The following LYRM2 variants were observed in gnomAD, a reference collection of about 807,000 sequenced individuals.
LYRM2 encodes LYR motif containing 2.
LYRM2 carries 8 observed loss-of-function variants against 11.6 expected under a neutral mutation model. That is an observed-to-expected ratio of 0.69 (90% CI 0.40 to 1.24). The LOEUF is 1.24. LYRM2 is among the 50% of genes most tolerant of loss of function. The pLI is 0.01. For missense variants in LYRM2, 117 were observed against 102.9 expected, an observed-to-expected ratio of 1.14 and a Z score of -0.59; for synonymous variants, 30 against 36.4, an observed-to-expected ratio of 0.83 and a Z score of 0.63.
chr6:89,638,163 G>A (rs964477063), intron 1 of LYRM2: 12 of 654,966 alleles, frequency 1.8e-5, no homozygotes, highest in African/African-American at 5.6e-5. Context: ...CGAGAGTGAG[G>A]CCCTGTCTCA....
rs1807786407 is a variant in LYRM2, at chr6:89,633,407, A to G, written c.*3866T>C. On this transcript the variant is annotated 3_prime_UTR_variant, in exon 3 of 3. Transcript: ENST00000523377. ...TTTTCCTTATTTTTCCCTTTTAGCTATCTGCTAAAGTGAGTAAATGCCACA... is the reference window on the plus strand; with the variant it reads ...TTTTCCTTATTTTTCCCTTTTAGCTGTCTGCTAAAGTGAGTAAATGCCACA... The G allele has an allele frequency of 6.6e-6, 1 of 152,190 alleles. No homozygotes were observed. Among genetic ancestry groups the G allele is most frequent in the Non-Finnish European group, 1.5e-5 (1 of 68,028 alleles). The allele number at this position is 152,190 out of a possible 1,614,324, so 9.4% of individuals were successfully genotyped here. A position where few individuals can be genotyped will look rare whatever the true frequency, so the allele number is the denominator to read the frequency against.
At position 89,636,443 on chromosome 6, in the gene LYRM2, C is replaced by T. The variant is rs573499506; in HGVS notation, c.*830G>A. Reference sequence around the variant, plus strand: ...TATCCATGTTTAGTATATATAAGTCCTTCGTTTCTTTTTAGTGCCAAATAA... The same window carrying T: ...TATCCATGTTTAGTATATATAAGTCTTTCGTTTCTTTTTAGTGCCAAATAA... On this transcript the variant is annotated 3_prime_UTR_variant, in exon 3 of 3. Transcript: ENST00000523377. The T allele has an allele frequency of 2.0e-4, 31 of 152,132 alleles. No homozygotes were observed. In the East Asian group the frequency reaches 5.8e-3, roughly 28 times the overall value. The allele number at this position is 152,132 out of a possible 1,614,324, so 9.4% of individuals were successfully genotyped here. A position where few individuals can be genotyped will look rare whatever the true frequency, so the allele number is the denominator to read the frequency against.
At position 89,636,714 on chromosome 6, in the gene LYRM2, CTG is replaced by C. The variant is rs1428665397; in HGVS notation, c.*557_*558del. 1 of 144,774 alleles carries C rather than the reference CTG, an allele frequency of 6.9e-6. No individual in the cohort carries two copies. The highest frequency in any genetic ancestry group is 6.9e-5 in the Admixed American group (1 of 14,414). 9.0% of individuals were successfully genotyped at this position (144,774 alleles called of 1,614,324 possible). ...TTTTTTTTTTAGAGACTGTCTCACT[CTG>C]TCACCCAGGCTGAAGTGCAGTGGCA... is the stretch of plus-strand genomic sequence containing the variant. On this transcript the variant is annotated 3_prime_UTR_variant, in exon 3 of 3. Transcript: ENST00000523377.
At chr6:89,637,986 A>T in intron 1 of LYRM2, 104 bp from the exon 2 acceptor site, 3 of 1,226,514 alleles carry the variant, frequency 2.4e-6, no homozygotes, top group Non-Finnish European at 3.4e-6. Context: ...CTCGTTGGTC[A>T]ATTTTGAAAA....
chr6:89,637,741 C>A lies in LYRM2; in HGVS notation c.186+1G>T, dbSNP rs759780507. 1.2e-6 allele frequency: 2 copies of A among 1,613,826 alleles called. No homozygotes were observed. The highest frequency in any genetic ancestry group is 1.7e-6 in the Non-Finnish European group (2 of 1,179,854). On this transcript the variant is annotated splice_donor_variant, in intron 2 of 2. Transcript: ENST00000523377. LOFTEE classifies it high-confidence loss of function. ...TGTCCTCACCATGATTTTGTTCTCA[C>A]CTCTTCGGTGGCACTTTTGTTTCTT...
intron 1 of LYRM2, chr6:89,638,306 GT>G (rs1462360391): frequency 1.7e-5 from 20 of 1,171,848 alleles, no homozygotes; most frequent in Non-Finnish European, 2.0e-5. Context: ...CCTAGAAGTT[GT>G]TATTACAACG....
Position 89,637,729 on chromosome 6 carries a change from A to C in LYRM2, c.186+13T>G, listed in dbSNP as rs1490107766. On this transcript the variant is annotated intron_variant, in intron 2 of 2. Transcript: ENST00000523377. ...AGGGTTAGGATCTGTCCTCACCATG[A>C]TTTTGTTCTCACCTCTTCGGTGGCA... 1 of 1,612,804 alleles carries C rather than the reference A, an allele frequency of 6.2e-7. No individual in the cohort carries two copies. Among genetic ancestry groups the C allele is most frequent in the East Asian group, 2.2e-5 (1 of 44,888 alleles).
chr6:89,638,587 A>G, intron 1 of LYRM2, 85 bp downstream of exon 1: 1 of 1,602,834 alleles, frequency 6.2e-7, no homozygotes, highest in East Asian at 2.2e-5. Flanking sequence ...GGACCCCGGA[A>G]CCCGCCCCGT....
Position 89,638,696 on chromosome 6 carries a change from G to C in LYRM2, c.21C>G (p.Pro7=), listed in dbSNP as rs561214716. MAASRL[P]PATLTLKQFV... is the part of the protein sequence containing the mutation. ...CCTGCTTTAACGTTAGCGTCGCTGG[G>C]GGTAAGCGGGAAGCAGCCATGTCCA... is the stretch of plus-strand genomic sequence containing the variant. Residue 7 remains proline (P), a synonymous_variant, in exon 1 of 3, where the codon CCC becomes CCG. Transcript: ENST00000523377. 15 of 1,614,108 alleles carry C rather than the reference G, an allele frequency of 9.3e-6. No individual in the cohort carries two copies. In the South Asian group the frequency reaches 1.1e-4, roughly 12 times the overall value.
At position 89,632,884 on chromosome 6, in the gene LYRM2, TACTC is replaced by T. The variant is rs1286718461; in HGVS notation, c.*4385_*4388del. On this transcript the variant is annotated 3_prime_UTR_variant, in exon 3 of 3. Transcript: ENST00000523377. ...CATCAATTTATTGAGAACTGCCTAA[TACTC>T]AAGAAATTAAATCCTGAGTTCAGTA... The T allele has an allele frequency of 1.3e-5, 2 of 152,348 alleles. No homozygotes were observed. The highest frequency in any genetic ancestry group is 4.8e-5 in the African/African-American group (2 of 41,586). 9.4% of individuals were successfully genotyped at this position (152,348 alleles called of 1,614,324 possible). A position where few individuals can be genotyped will look rare whatever the true frequency, so the allele number is the denominator to read the frequency against.
At position 89,632,422 on chromosome 6, in the gene LYRM2, GTTTT is replaced by G. The variant is rs925817243; in HGVS notation, c.*4847_*4850del. On this transcript the variant is annotated 3_prime_UTR_variant, in exon 3 of 3. Coordinates refer to ENST00000523377, the MANE Select transcript of LYRM2 (RefSeq NM_020466.5). ...TACCTGAATATGGAATGAATTTGAT[GTTTT>G]TTATTTTGTTGAGACAGGGTCTTGC... 6.6e-6 allele frequency: 1 copy of G among 152,054 alleles called. No individual in the cohort carries two copies. Among genetic ancestry groups the G allele is most frequent in the African/African-American group, 2.4e-5 (1 of 41,394 alleles). The allele number at this position is 152,054 out of a possible 1,614,324, so 9.4% of individuals were successfully genotyped here. A position where few individuals can be genotyped will look rare whatever the true frequency, so the allele number is the denominator to read the frequency against.
chr6:89,634,866 T>G lies in LYRM2; in HGVS notation c.*2407A>C, dbSNP rs113581179. The G allele has an allele frequency of 6.6e-6, 1 of 152,204 alleles. No individual in the cohort carries two copies. Among genetic ancestry groups the G allele is most frequent in the Non-Finnish European group, 1.5e-5 (1 of 68,048 alleles). 9.4% of individuals were successfully genotyped at this position (152,204 alleles called of 1,614,324 possible). ...GTGCAGTAGTGTGTTCTCGGCTCAC[T>G]GCAGCCTCTGCCTCCCGGGTTCAAT... On this transcript the variant is annotated 3_prime_UTR_variant, in exon 3 of 3. Coordinates refer to ENST00000523377, the MANE Select transcript of LYRM2 (RefSeq NM_020466.5).
At chr6:89,638,376 GC>G in intron 1 of LYRM2, 1 of 1,316,062 alleles carries the variant, frequency 7.6e-7, no homozygotes. Flanking sequence ...TTTGCTGTTT[GC>G]CACAGCTCAG....
In LYRM2 at chr6:89,638,720, C is replaced by T; in HGVS notation, c.-4G>A. The T allele has an allele frequency of 6.2e-7, 1 of 1,614,036 alleles. No homozygotes were observed. The highest frequency in any genetic ancestry group is 8.5e-7 in the Non-Finnish European group (1 of 1,179,946). On this transcript the variant is annotated 5_prime_UTR_variant, in exon 1 of 3. Transcript: ENST00000523377. ...GGGGTAAGCGGGAAGCAGCCATGTC[C>T]ACCAGAGGTCCGCCGGAGCCTCAGC...
chr6:89,637,980 T>C (rs527647342), intron 1 of LYRM2, 98 bp from the exon 2 acceptor site: 1 of 1,241,058 alleles, frequency 8.1e-7, no homozygotes, highest in African/African-American at 1.5e-5. Context: ...GTACTTCTCG[T>C]TGGTCAATTT....
At chr6:89,638,223 T>G (rs1584059836) in intron 1 of LYRM2, 1 of 1,002,806 alleles carries the variant, frequency 1.0e-6, no homozygotes, top group African/African-American at 1.7e-5. Context: ...TCTTTTTGCT[T>G]ACTGCTCTGT....
Position 89,637,855 on chromosome 6 carries a change from G to A in LYRM2, c.73C>T (p.Leu25Phe), listed in dbSNP as rs1382001616. Residue 25 changes from leucine to phenylalanine, a missense_variant, in exon 2 of 3, where the codon CTC (leucine) becomes TTC (phenylalanine). Physicochemically the swap from Leu to Phe is conservative, Grantham distance 22. Coordinates refer to ENST00000523377, the MANE Select transcript of LYRM2 (RefSeq NM_020466.5). Reference sequence around the variant, plus strand: ...ATTGTTTGCAAAATCCTTCTGTAGAGGAGAAGAACTTGTTGCCTTCTTACG... The same window carrying A: ...ATTGTTTGCAAAATCCTTCTGTAGAAGAGAAGAACTTGTTGCCTTCTTACG... Reference protein sequence around the residue: ...QFVRRQQVLLLYRRILQTIRQ... With the variant: ...QFVRRQQVLLFYRRILQTIRQ... 5 of 1,613,964 alleles carry A rather than the reference G, an allele frequency of 3.1e-6. No homozygotes were observed. The highest frequency in any genetic ancestry group is 1.7e-5 in the Admixed American group (1 of 60,006).
In LYRM2 at chr6:89,632,540, G is replaced by A. The variant is rs9362668; in HGVS notation, c.*4733C>T. On this transcript the variant is annotated 3_prime_UTR_variant, in exon 3 of 3. Coordinates refer to ENST00000523377, the MANE Select transcript of LYRM2 (RefSeq NM_020466.5). ...CTCGTGATCCTCCTGCCTCAACCTC[G>A]CAAGTAGCTTGGGACTACAGGCGTG... is the stretch of plus-strand genomic sequence containing the variant. 6 of 152,056 alleles carry A rather than the reference G, an allele frequency of 3.9e-5. No homozygotes were observed. The highest frequency in any genetic ancestry group is 2.0e-4 in the Admixed American group (3 of 15,264). The allele number at this position is 152,056 out of a possible 1,614,324, so 9.4% of individuals were successfully genotyped here.
rs1275271207 is a variant in LYRM2, at chr6:89,636,680, G to GCTTTTTTTT, written c.*592_*593insAAAAAAAAG. 7.7e-6 allele frequency: 1 copy of GCTTTTTTTT among 129,504 alleles called. No homozygotes were observed. The highest frequency in any genetic ancestry group is 2.9e-5 in the African/African-American group (1 of 34,254). 8.0% of individuals were successfully genotyped at this position (129,504 alleles called of 1,614,324 possible). The stretch of plus-strand genomic sequence containing the variant: ...TCTAGTGAATGTGAATCTCAGGGTT[G>GCTTTTTTTT]TTTTTTTTTTTTTTTTTTAGAGACT... On this transcript the variant is annotated 3_prime_UTR_variant, in exon 3 of 3. Coordinates refer to ENST00000523377, the MANE Select transcript of LYRM2 (RefSeq NM_020466.5).
Sources: gnomAD v4.1 joint callset for allele counts on GRCh38, gnomAD v4.1.1 for gene constraint, MANE v1.5 for transcripts, NCBI Gene and HGNC (gene_info 2026-07-23, HGNC 2026-07-21) for gene names.